The following MYO1A variants were observed in gnomAD, a reference collection of about 807,000 sequenced individuals.
MYO1A encodes unconventional myosin-Ia.
In MYO1A, 127 loss-of-function variants were observed where a neutral mutation model predicts 138.5. The ratio of observed to expected loss-of-function variants is 0.92; its 90% confidence interval spans 0.79 to 1.06. The LOEUF (loss-of-function observed/expected upper bound fraction) is 1.06. MYO1A is among the 50% of genes least tolerant of loss of function. The pLI is 0.00. For synonymous variants in MYO1A, 477 were observed against 497.5 expected, an observed-to-expected ratio of 0.96 and a Z score of 0.55; for missense variants, 1,211 against 1,288.8, an observed-to-expected ratio of 0.94 and a Z score of 0.92.
In MYO1A at chr12:57,046,851, G is replaced by A. The variant is rs150907076; in HGVS notation, c.541+12C>T. ...GTGGAAGACAGGTGAGTGGAATTGGGGAGACACGTACAGTTTGTGATGACA... is the reference window on the plus strand; with the variant it reads ...GTGGAAGACAGGTGAGTGGAATTGGAGAGACACGTACAGTTTGTGATGACA... On this transcript the variant is annotated intron_variant, in intron 7 of 27. Transcript: ENST00000300119. 625 of 1,613,588 alleles carry A rather than the reference G, an allele frequency of 3.9e-4. 2 individuals carry two copies. The African/African-American group carries it at 7.7e-3, about 20-fold the overall frequency.
intron 26 of MYO1A, 62 bp from the exon 27 acceptor site, chr12:57,029,321 G>C: frequency 6.2e-7 from 1 of 1,613,214 alleles, no homozygotes; most frequent in African/African-American, 1.3e-5. Context: ...AGCACCTGAG[G>C]GACATCAAAG....
In MYO1A at chr12:57,041,035, T is replaced by A. The variant is rs1287592266; in HGVS notation, c.1269+149A>T. 8.8e-6 allele frequency: 6 copies of A among 682,600 alleles called. No homozygotes were observed. In the African/African-American group the frequency reaches 8.8e-5, roughly 10 times the overall value. 42.3% of individuals were successfully genotyped at this position (682,600 alleles called of 1,614,324 possible). On this transcript the variant is annotated intron_variant, in intron 14 of 27. Coordinates refer to ENST00000300119, the MANE Select transcript of MYO1A (RefSeq NM_005379.4). The stretch of plus-strand genomic sequence containing the variant: ...GAGGATTAGGGCTACTTGGTAATGC[T>A]GGAATGATCTACTATGCAAGGGAAA...
At chr12:57,037,689 A>G in intron 18 of MYO1A, 48 bp from the exon 19 acceptor site, 1 of 1,578,490 alleles carries the variant, frequency 6.3e-7, no homozygotes, top group African/African-American at 1.3e-5. Flanking sequence ...CTCAGGAGAA[A>G]GTCCTCTTCC....
At chr12:57,028,951 C>A in intron 27 of MYO1A, 70 bp from the exon 28 acceptor site, 5 of 1,589,022 alleles carry the variant, frequency 3.1e-6, no homozygotes. Context: ...TCCATGATGG[C>A]CCCCCCATCA....
At chr12:57,036,246 T>C (rs2030535777) in intron 22 of MYO1A, 61 bp downstream of exon 22, 1 of 1,540,468 alleles carries the variant, frequency 6.5e-7, no homozygotes, top group African/African-American at 1.4e-5. Context: ...CTCAAACCCC[T>C]CTCCCAAACC....
chr12:57,039,118 C>A (rs1260202140), intron 15 of MYO1A, 94 bp downstream of exon 15: 47 of 1,564,178 alleles, frequency 3.0e-5, no homozygotes, highest in Non-Finnish European at 4.0e-5. Flanking sequence ...TCTTTACTGT[C>A]CCTACCAAGT....
intron 22 of MYO1A, among the ~76,000 whole-genome samples, chr12:57,035,086 T>C (rs1163738104): frequency 1.3e-5 from 2 of 152,196 alleles, no homozygotes; most frequent in East Asian, 3.8e-4. Context: ...CAGTGCCCAG[T>C]GCCCGCAGGC....
chr12:57,036,172 C>G (rs939435169), intron 22 of MYO1A, 135 bp downstream of exon 22: 1 of 885,162 alleles, frequency 1.1e-6, no homozygotes, highest in African/African-American at 1.7e-5. Flanking sequence ...CTGCCCTCTT[C>G]TCCTAGGACT....
At chr12:57,049,119 C>T (rs2031244403) in intron 1 of MYO1A, among the ~76,000 whole-genome samples, 1 of 152,230 alleles carries the variant, frequency 6.6e-6, no homozygotes, top group South Asian at 2.1e-4. Context: ...CTGGCATGGA[C>T]TTTGCCCCAG....
intron 10 of MYO1A, 102 bp downstream of exon 10, chr12:57,043,754 G>T: frequency 1.3e-6 from 2 of 1,490,254 alleles, no homozygotes; most frequent in South Asian, 1.2e-5. Context: ...GAGTGGGACT[G>T]CATCAGGGTG....
chr12:57,043,165 G>A lies in MYO1A; in HGVS notation c.1012-7C>T. 8 of 1,614,190 alleles carry A rather than the reference G, an allele frequency of 5.0e-6. No individual in the cohort carries two copies. Among genetic ancestry groups the A allele is most frequent in the Non-Finnish European group, 6.8e-6 (8 of 1,180,024 alleles). ...CGTCCCGAGCATACTGAGCCTGTGG[G>A]TGAGGCACAGCTGATTAGGGTGGCA... On this transcript the variant is annotated splice_polypyrimidine_tract_variant and splice_region_variant and intron_variant, in intron 11 of 27. Coordinates refer to ENST00000300119, the MANE Select transcript of MYO1A (RefSeq NM_005379.4).
At chr12:57,043,789 G>C in intron 10 of MYO1A, 67 bp downstream of exon 10, 1 of 1,605,442 alleles carries the variant, frequency 6.2e-7, no homozygotes, top group Non-Finnish European at 8.5e-7. Flanking sequence ...AGAGATGGTA[G>C]AAGGACACGA....
At chr12:57,034,232 T>C (rs1169916320) in intron 22 of MYO1A, among the ~76,000 whole-genome samples, 3 of 152,208 alleles carry the variant, frequency 2.0e-5, no homozygotes, top group Admixed American at 6.5e-5. Flanking sequence ...CTTACAGCTG[T>C]GGAACCCCCG....
At chr12:57,039,155 A>T in intron 15 of MYO1A, 57 bp downstream of exon 15, 1 of 1,576,938 alleles carries the variant, frequency 6.3e-7, no homozygotes, top group Non-Finnish European at 8.7e-7. Context: ...AGACAGGGGA[A>T]GGATGTTCAG....
At position 57,044,108 on chromosome 12, in the gene MYO1A, G is replaced by A; in HGVS notation, c.742C>T (p.Gln248Ter). 1 of 1,614,188 alleles carries A rather than the reference G, an allele frequency of 6.2e-7. No homozygotes were observed. The highest frequency in any genetic ancestry group is 8.5e-7 in the Non-Finnish European group (1 of 1,180,026). Residue 248 changes from glutamine (Q) to a stop codon, truncating the protein, a stop_gained and splice_region_variant, in exon 9 of 28, where the codon CAG becomes TAG. Transcript: ENST00000300119. LOFTEE classifies it high-confidence loss of function. ...CCTGCCTCACCCTGGGCACCCACCT[G>A]TACAGCCCTGAAGCTGGAGGCGTCG... ...MDDASSFRAV[Q>*]SAMAVIGFSE...
intron 13 of MYO1A, 53 bp downstream of exon 13, chr12:57,041,379 C>A: frequency 1.3e-6 from 2 of 1,593,038 alleles, no homozygotes; most frequent in South Asian, 2.2e-5. Flanking sequence ...CCCCTGTGAG[C>A]CTGTCCACCT....
chr12:57,036,019 A>G (rs2030522914), intron 22 of MYO1A, among the ~76,000 whole-genome samples: 2 of 152,224 alleles, frequency 1.3e-5, no homozygotes, highest in Admixed American at 1.3e-4. Context: ...GGATCTTCAC[A>G]AGGCTATTTG....
intron 14 of MYO1A, among the ~76,000 whole-genome samples, chr12:57,040,522 A>C (rs2030811548): frequency 6.6e-6 from 1 of 152,216 alleles, no homozygotes; most frequent in Admixed American, 6.5e-5. Context: ...TATGTATCTG[A>C]TCATTTAAAT....
intron 24 of MYO1A, 108 bp from the exon 25 acceptor site, chr12:57,029,980 C>G: frequency 6.5e-7 from 1 of 1,546,294 alleles, no homozygotes; most frequent in Admixed American, 1.7e-5. Flanking sequence ...ATCCACGTAT[C>G]CTCTGTCAGT....
Sources: allele counts gnomAD v4.1 joint callset (sites outside exome capture counted in the v4.1 genomes callset), GRCh38; gene constraint gnomAD v4.1.1; transcripts MANE v1.5; gene names NCBI Gene and HGNC (gene_info 2026-07-23, HGNC 2026-07-21).